HPS4: variants seen among roughly 807,000 people sequenced by gnomAD.
HPS4 encodes HPS4 biogenesis of lysosomal organelles complex 3 subunit 2, also known as BLOC-3 complex member HPS4.
A neutral mutation model predicts 70.3 loss-of-function variants in HPS4; 44 were observed. The observed-to-expected ratio is 0.63, with a 90% CI of 0.49 to 0.80. The LOEUF (loss-of-function observed/expected upper bound fraction) is 0.80. Among genes scored for constraint, HPS4 ranks in the 30% least tolerant of loss-of-function variants. The pLI, the probability that HPS4 is intolerant of heterozygous loss-of-function variation, is 0.00. For missense variants in HPS4, 873 were observed against 884.4 expected (o/e 0.99, Z 0.16); for synonymous variants, 377 against 355.9 (o/e 1.06, Z -0.67).
chr22:26,465,581 T>C (rs764798436), intron 9 of HPS4, 30 bp from the exon 10 acceptor site: 62 of 1,565,352 alleles, frequency 4.0e-5, no homozygotes, highest in Admixed American at 1.7e-4. Context: ...TGAACAGGAC[T>C]TTCCCCTGAG....
chr22:26,481,649 G>T (rs2091299616), intron 2 of HPS4, 73 bp downstream of exon 2: 2 of 1,368,538 alleles, frequency 1.5e-6, no homozygotes, highest in Admixed American at 3.4e-5. Flanking sequence ...TCTGGCTGGG[G>T]ATTTTCAATT....
chr22:26,462,017 T>G (rs2087378894), intron 11 of HPS4, among the ~76,000 whole-genome samples: 2 of 151,442 alleles, frequency 1.3e-5, no homozygotes, highest in Non-Finnish European at 2.9e-5. Flanking sequence ...TCCCAGCTAC[T>G]CAGGAGGTTG....
At chr22:26,461,303 A>G (rs2087214683) in intron 11 of HPS4, among the ~76,000 whole-genome samples, 1 of 152,196 alleles carries the variant, frequency 6.6e-6, no homozygotes, top group Non-Finnish European at 1.5e-5. Context: ...TCCATGTCCT[A>G]TTGTAGTGAT....
At position 26,464,835 on chromosome 22, in the gene HPS4, C is replaced by T. The variant is rs771944659; in HGVS notation, c.804-9G>A. 2 of 1,588,766 alleles carry T rather than the reference C, an allele frequency of 1.3e-6. No individual in the cohort carries two copies. The highest frequency in any genetic ancestry group is 1.7e-6 in the Non-Finnish European group (2 of 1,170,694). On this transcript the variant is annotated splice_polypyrimidine_tract_variant and intron_variant, in intron 10 of 13. Transcript: ENST00000398145. ...CTGGAGATGCTAGAGACCTGGCAAACAAGAGAGATGTAAGGAAGGGGCACG... is the reference window on the plus strand; with the variant it reads ...CTGGAGATGCTAGAGACCTGGCAAATAAGAGAGATGTAAGGAAGGGGCACG...
rs1454576475 is a variant in HPS4, at chr22:26,453,337, G to A, written c.2023C>T (p.Pro675Ser). ...IQETYFQQLA[P>S]AARSSGFPNP... The stretch of plus-strand genomic sequence containing the variant: ...GGGAAGCCGGAGCTCCGTGCTGCAG[G>A]TGCCAGCTGCTGGAAATATGTCTCC... Residue 675 changes from proline (P) to serine (S), a missense_variant, in exon 14 of 14, where the codon CCT becomes TCT. Pro to Ser is a moderately conservative substitution (Grantham distance 74). Transcript: ENST00000398145. 39 of 1,614,190 alleles carry A rather than the reference G, an allele frequency of 2.4e-5. No homozygotes were observed. Among genetic ancestry groups the A allele is most frequent in the Admixed American group, 5.0e-5 (3 of 60,032 alleles).
chr22:26,446,466 C>T (rs983530374), downstream of HPS4, among the ~76,000 whole-genome samples: 5 of 152,126 alleles, frequency 3.3e-5, no homozygotes, highest in Admixed American at 2.6e-4. Context: ...GGGAACTTGT[C>T]GGAAACCCCA....
chr22:26,481,480 T>C (rs1465648900), intron 2 of HPS4, among the ~76,000 whole-genome samples: 2 of 152,212 alleles, frequency 1.3e-5, no homozygotes, highest in Non-Finnish European at 2.9e-5. Flanking sequence ...TGTGGCTATC[T>C]TTTCTACAAT....
Position 26,480,193 on chromosome 22 carries a change from G to A in HPS4, c.42-838C>T, listed in dbSNP as rs190214329. Among the ~76,000 whole-genome samples the A allele has an allele frequency of 1.9e-3, 295 of 152,244 alleles. 2 individuals are homozygous for A. Among genetic ancestry groups the A allele is most frequent in the African/African-American group, 6.6e-3 (276 of 41,550 alleles). On this transcript the variant is annotated intron_variant, in intron 2 of 13. Coordinates refer to ENST00000398145, the MANE Select transcript of HPS4 (RefSeq NM_022081.6). ...GCCTCAATTTTGTTTTGTTTTTACA[G>A]GGTCTCACTTTGTAGCCCTGTAGGC...
At chr22:26,448,896 T>A (rs540481428), downstream of HPS4, among the ~76,000 whole-genome samples, 15 of 152,238 alleles carry the variant, frequency 9.9e-5, no homozygotes, top group African/African-American at 3.6e-4. Flanking sequence ...CCCTCCCCTG[T>A]CTCCTCACAG....
At chr22:26,443,239 G>T, downstream of HPS4, 3 of 1,582,994 alleles carry the variant, frequency 1.9e-6, no homozygotes, top group Non-Finnish European at 2.6e-6. Context: ...GGCGAGAAGG[G>T]CCGAGGCGGG....
chr22:26,462,770 C>T (rs956568859), intron 11 of HPS4, among the ~76,000 whole-genome samples: 4 of 152,142 alleles, frequency 2.6e-5, no homozygotes, highest in Non-Finnish European at 4.4e-5. Context: ...CACAACTCCC[C>T]GCACTGCTAT....
At chr22:26,475,323 T>C (rs1258511639) in intron 4 of HPS4, 1 of 151,224 alleles carries the variant, frequency 6.6e-6, no homozygotes, top group South Asian at 2.1e-4. Context: ...GTAAAGCATG[T>C]AACCACAAAC....
intron 11 of HPS4, among the ~76,000 whole-genome samples, chr22:26,459,144 C>G (rs1349303182): frequency 6.6e-6 from 1 of 152,188 alleles, no homozygotes; most frequent in African/African-American, 2.4e-5. Context: ...GTACAGAAGT[C>G]CCTCACTGGA....
intron 8 of HPS4, chr22:26,468,171 G>A: frequency 7.5e-6 from 2 of 267,160 alleles, no homozygotes; most frequent in Non-Finnish European, 1.5e-5. Context: ...CCAAAGTGCT[G>A]GGATTACAGG....
chr22:26,468,261 C>CT, intron 8 of HPS4: 1 of 453,964 alleles, frequency 2.2e-6, no homozygotes, highest in Non-Finnish European at 4.1e-6. Flanking sequence ...TCTAACATCT[C>CT]TTTGACATAA....
At position 26,458,539 on chromosome 22, in the gene HPS4, G is replaced by A. The variant is rs780284817; in HGVS notation, c.1752C>T (p.Val584=). The A allele has an allele frequency of 6.8e-6, 11 of 1,614,140 alleles. No individual in the cohort carries two copies. The highest frequency in any genetic ancestry group is 1.1e-5 in the South Asian group (1 of 91,074). ...SSLASLNGLE[V]HLKETLPRDE... Reference sequence around the variant, plus strand: ...CCCTGGGCAGCGTCTCTTTCAGGTGGACTTCCAGCCCATTCAGTGAAGCCA... The same window carrying A: ...CCCTGGGCAGCGTCTCTTTCAGGTGAACTTCCAGCCCATTCAGTGAAGCCA... The change falls in exon 12 of 14, where the codon GTC becomes GTT. Residue 584 remains valine, a synonymous_variant. Transcript: ENST00000398145.
At chr22:26,456,224 G>A (rs1346736122) in intron 13 of HPS4, among the ~76,000 whole-genome samples, 1 of 152,198 alleles carries the variant, frequency 6.6e-6, no homozygotes, top group East Asian at 1.9e-4. Context: ...ACTGAAATGT[G>A]TGTGGAAAGG....
At chr22:26,463,498 G>C (rs1569052854) in intron 11 of HPS4, among the ~76,000 whole-genome samples, 1 of 152,200 alleles carries the variant, frequency 6.6e-6, no homozygotes, top group African/African-American at 2.4e-5. Context: ...CACTGCATCT[G>C]GAACAGGAAG....
At chr22:26,457,761 T>C (rs2086413213) in intron 13 of HPS4, 98 bp downstream of exon 13, 1 of 850,254 alleles carries the variant, frequency 1.2e-6, no homozygotes, top group Non-Finnish European at 2.0e-6. Context: ...AGAATGTTTT[T>C]CATCTACTTA....
Sources: gnomAD v4.1 joint callset for allele counts (sites outside exome capture counted in the v4.1 genomes callset) on GRCh38, gnomAD v4.1.1 for gene constraint, MANE v1.5 for transcripts, NCBI Gene and HGNC (gene_info 2026-07-23, HGNC 2026-07-21) for gene names.